The following THEM6 variants were observed in gnomAD, a reference collection of about 807,000 sequenced individuals.
THEM6 encodes thioesterase superfamily member 6, also known as protein THEM6.
A neutral mutation model predicts 13.7 loss-of-function variants in THEM6; 10 were observed. That is an observed-to-expected ratio of 0.73 (90% CI 0.45 to 1.24). THEM6 has a LOEUF of 1.24. Ranked by LOEUF, THEM6 falls within the 50% of genes most tolerant of loss-of-function variation. THEM6 has a pLI of 0.00. For missense variants in THEM6, 317 were observed against 312.6 expected (o/e 1.01, Z -0.11); for synonymous variants, 161 against 156.0 (o/e 1.03, Z -0.24).
chr8:142,728,502 A>G (rs1815566959), intron 1 of THEM6, among the ~76,000 whole-genome samples: 1 of 152,238 alleles, frequency 6.6e-6, no homozygotes, highest in Non-Finnish European at 1.5e-5. Context: ...TGGCCAGACC[A>G]GTTGCCAGAA....
At position 142,730,515 on chromosome 8, in the gene THEM6, G is replaced by A. The variant is rs10956983; in HGVS notation, c.513+2656G>A. ...CATTCCTGCTCAGCGCCGCCCAGGG[G>A]ACACTGCGGCCCTGCCTCCTCTTAA... On this transcript the variant is annotated intron_variant, in intron 1 of 1. Transcript: ENST00000336138. 2.5e-3 allele frequency among the ~76,000 whole-genome samples: 381 copies of A among 152,326 alleles called. 1 individual carries two copies. Among genetic ancestry groups the A allele is most frequent in the Middle Eastern group, 0.01 (3 of 294 alleles).
intron 1 of THEM6, among the ~76,000 whole-genome samples, chr8:142,729,020 A>C (rs1554642711): frequency 2.0e-5 from 3 of 146,554 alleles, no homozygotes. Context: ...GCTCACTGCA[A>C]CCTCCGCCTT....
chr8:142,732,350 T>G (rs952584264), intron 1 of THEM6, among the ~76,000 whole-genome samples: 1 of 150,754 alleles, frequency 6.6e-6, no homozygotes, highest in Non-Finnish European at 1.5e-5. Context: ...CTTGCATACT[T>G]CCCACTTGTG....
chr8:142,731,198 C>T (rs1431495085), intron 1 of THEM6, among the ~76,000 whole-genome samples: 1 of 152,174 alleles, frequency 6.6e-6, no homozygotes, highest in Non-Finnish European at 1.5e-5. Flanking sequence ...ACATCCAGTT[C>T]ACAGAAAAAC....
chr8:142,732,494 A>G lies in THEM6; in HGVS notation c.514-2832A>G, dbSNP rs587696249. Among the ~76,000 whole-genome samples the G allele has an allele frequency of 7.2e-5, 11 of 151,736 alleles. No individual in the cohort carries two copies. In the South Asian group the frequency reaches 2.3e-3, roughly 32 times the overall value. Reference sequence around the variant, plus strand: ...AGAACCGGAACCATGGAGGGGACCCACTCACTGTCCAGCAGGAGGACTTGT... The same window carrying G: ...AGAACCGGAACCATGGAGGGGACCCGCTCACTGTCCAGCAGGAGGACTTGT... On this transcript the variant is annotated intron_variant, in intron 1 of 1. Transcript: ENST00000336138.
At chr8:142,730,083 G>C (rs1349886027) in intron 1 of THEM6, among the ~76,000 whole-genome samples, 1 of 152,198 alleles carries the variant, frequency 6.6e-6, no homozygotes, top group African/African-American at 2.4e-5. Flanking sequence ...AATAACAAAG[G>C]CGCTAGTAAC....
At chr8:142,731,456 A>AAATTATACAC (rs1815645157) in intron 1 of THEM6, among the ~76,000 whole-genome samples, 2 of 152,102 alleles carry the variant, frequency 1.3e-5, no homozygotes, top group Non-Finnish European at 2.9e-5. Context: ...AATTACTTTT[A>AAATTATACAC]AATTATACAC....
intron 1 of THEM6, among the ~76,000 whole-genome samples, chr8:142,732,694 A>C (rs927751945): frequency 4.8e-5 from 7 of 146,854 alleles, no homozygotes; most frequent in African/African-American, 1.8e-4. Flanking sequence ...CCTTTACCTT[A>C]GGTTGCTGGC....
chr8:142,727,784 C>T lies in THEM6; in HGVS notation c.438C>T (p.Cys146=), dbSNP rs1554642537. The T allele has an allele frequency of 6.8e-7, 1 of 1,465,340 alleles. No homozygotes were observed. The highest frequency in any genetic ancestry group is 2.9e-5 in the East Asian group (1 of 34,496). The allele number at this position is 1,465,340 out of a possible 1,614,324, so 90.8% of individuals were successfully genotyped here. A position where few individuals can be genotyped will look rare whatever the true frequency, so the allele number is the denominator to read the frequency against. Residue 146 remains cysteine (C), a synonymous_variant, in exon 1 of 2, where the codon TGC becomes TGT. Coordinates refer to ENST00000336138, the MANE Select transcript of THEM6 (RefSeq NM_016647.3). ...RFVSLRDGFV[C]ALLRFRQHLL... ...TCAGCCTGCGGGACGGCTTCGTGTG[C>T]GCGCTGCTGCGCTTCCGGCAGCACC...
intron 1 of THEM6, among the ~76,000 whole-genome samples, chr8:142,731,782 C>T (rs977712170): frequency 6.6e-6 from 1 of 152,172 alleles, no homozygotes; most frequent in Non-Finnish European, 1.5e-5. Flanking sequence ...TTTCTCTATC[C>T]ACCCCCACCA....
At chr8:142,733,828 T>C (rs997199501) in intron 1 of THEM6, among the ~76,000 whole-genome samples, 2 of 152,194 alleles carry the variant, frequency 1.3e-5, no homozygotes, top group Non-Finnish European at 2.9e-5. Flanking sequence ...GGAGGCACAA[T>C]ACATCTGTCA....
chr8:142,729,679 G>A (rs1275235288), intron 1 of THEM6, among the ~76,000 whole-genome samples: 1 of 152,132 alleles, frequency 6.6e-6, no homozygotes, highest in East Asian at 1.9e-4. Flanking sequence ...AGCGACTGAG[G>A]GCAGGTCTAG....
In THEM6 at chr8:142,727,367, G is replaced by A. The variant is rs1309679199; in HGVS notation, c.21G>A (p.Ala7=). The A allele has an allele frequency of 2.6e-6, 4 of 1,519,404 alleles. No homozygotes were observed. The African/African-American group carries it at 4.3e-5, about 16-fold the overall frequency. The allele number at this position is 1,519,404 out of a possible 1,614,324, so 94.1% of individuals were successfully genotyped here. Residue 7 remains alanine, a synonymous_variant, in exon 1 of 2, where the codon GCG becomes GCA. Coordinates refer to ENST00000336138, the MANE Select transcript of THEM6 (RefSeq NM_016647.3). The part of the protein sequence containing the change: MLGLLV[A]LLALGLAVFA... ...CCGCTATGCTGGGGCTGCTGGTGGC[G>A]TTGCTGGCCCTGGGGCTCGCTGTCT...
In THEM6 at chr8:142,727,473, G is replaced by C; in HGVS notation, c.127G>C (p.Asp43His). 1 of 1,574,532 alleles carries C rather than the reference G, an allele frequency of 6.4e-7. No homozygotes were observed. The highest frequency in any genetic ancestry group is 8.6e-7 in the Non-Finnish European group (1 of 1,168,312). Residue 43 changes from aspartate to histidine, a missense_variant, in exon 1 of 2, where the codon GAC becomes CAC. Physicochemically the swap from Asp to His is moderately conservative, Grantham distance 81. Transcript: ENST00000336138. The stretch of plus-strand genomic sequence containing the variant: ...GCGCCTGCTGCAGCCGCGCGTCCGT[G>C]ACCTGCTAGCTGAGCAGCGCTTCCC... ...RARLLQPRVR[D>H]LLAEQRFPGR...
At chr8:142,732,161 A>AAC (rs1217552333) in intron 1 of THEM6, among the ~76,000 whole-genome samples, 578 of 37,076 alleles carry the variant, frequency 0.016, 21 homozygotes, top group East Asian at 0.02. Context: ...GGGAGTTTTG[A>AAC]ATATATATAT....
At chr8:142,733,324 G>GTA (rs1362229393) in intron 1 of THEM6, among the ~76,000 whole-genome samples, 1 of 152,240 alleles carries the variant, frequency 6.6e-6, no homozygotes, top group East Asian at 1.9e-4. Context: ...AGAACCTAAA[G>GTA]TAGTACATTG....
chr8:142,727,692 C>T lies in THEM6; in HGVS notation c.346C>T (p.Pro116Ser). The change falls in exon 1 of 2, where the codon CCC becomes TCC. Residue 116 changes from proline to serine, a missense_variant. Pro to Ser is a moderately conservative substitution (Grantham distance 74). Transcript: ENST00000336138. ...RHRRSLRLLEPFEVRTRLLGW... is the reference protein window; with the variant it reads ...RHRRSLRLLESFEVRTRLLGW... ...CCGCCGCTCGCTGCGCCTGCTGGAGCCCTTCGAGGTGCGCACCCGCCTGCT... is the reference window on the plus strand; with the variant it reads ...CCGCCGCTCGCTGCGCCTGCTGGAGTCCTTCGAGGTGCGCACCCGCCTGCT... 1 of 1,429,026 alleles carries T rather than the reference C, an allele frequency of 7.0e-7. No individual in the cohort carries two copies. The highest frequency in any genetic ancestry group is 1.5e-5 in the South Asian group (1 of 68,226). 88.5% of individuals were successfully genotyped at this position (1,429,026 alleles called of 1,614,324 possible).
intron 1 of THEM6, among the ~76,000 whole-genome samples, chr8:142,728,207 T>C (rs1432962103): frequency 6.6e-6 from 1 of 152,296 alleles, no homozygotes; most frequent in South Asian, 2.1e-4. Context: ...ACCTCTCTGG[T>C]CCTTGGTCCT....
chr8:142,734,214 T>C (rs1474697538), intron 1 of THEM6, among the ~76,000 whole-genome samples: 2 of 152,172 alleles, frequency 1.3e-5, no homozygotes, highest in African/African-American at 4.8e-5. Context: ...CCGATGTTAT[T>C]TTTGGTTTAC....
Sources: allele counts gnomAD v4.1 joint callset (sites outside exome capture counted in the v4.1 genomes callset), GRCh38; gene constraint gnomAD v4.1.1; transcripts MANE v1.5; gene names NCBI Gene and HGNC (gene_info 2026-07-23, HGNC 2026-07-21).